KANSL1L: variants seen among roughly 807,000 people sequenced by gnomAD.
The protein encoded by KANSL1L is KAT8 regulatory NSL complex subunit 1 like.
Under a neutral mutation model 108.6 loss-of-function variants are expected in KANSL1L, and 25 were observed. The observed-to-expected ratio is 0.23, with a 90% CI of 0.17 to 0.32. KANSL1L has a LOEUF of 0.32. KANSL1L is among the 10% of genes least tolerant of loss of function. The pLI, the probability that KANSL1L is intolerant of heterozygous loss-of-function variation, is 1.00. For synonymous variants in KANSL1L, 405 were observed against 395.1 expected (o/e 1.03, Z -0.30); for missense variants, 1,137 against 1,125.7 (o/e 1.01, Z -0.14).
intron 4 of KANSL1L, 48 bp from the exon 5 acceptor site, chr2:210,098,255 A>C (rs756677112): frequency 1.3e-6 from 2 of 1,589,034 alleles, no homozygotes; most frequent in Non-Finnish European, 1.7e-6. Flanking sequence ...AAGAAATGTG[A>C]GTTAAAGCTC....
intron 6 of KANSL1L, among the ~76,000 whole-genome samples, chr2:210,057,754 C>A (rs1487001351): frequency 6.6e-6 from 1 of 152,178 alleles, no homozygotes; most frequent in Non-Finnish European, 1.5e-5. Context: ...ATTTCTTACG[C>A]CTGTCTTTAC....
chr2:210,148,564 A>G (rs965840895), intron 2 of KANSL1L, among the ~76,000 whole-genome samples: 2 of 152,192 alleles, frequency 1.3e-5, no homozygotes, highest in African/African-American at 4.8e-5. Flanking sequence ...AAGTCCCTCT[A>G]TTATGCTTTC....
intron 3 of KANSL1L, among the ~76,000 whole-genome samples, chr2:210,107,182 G>A (rs1194753392): frequency 6.6e-6 from 1 of 151,992 alleles, no homozygotes; most frequent in African/African-American, 2.4e-5. Context: ...AACTGCCTCA[G>A]CAACATCTCT....
At chr2:210,076,921 A>G (rs967723934) in intron 5 of KANSL1L, among the ~76,000 whole-genome samples, 2 of 152,132 alleles carry the variant, frequency 1.3e-5, no homozygotes, top group Admixed American at 6.5e-5. Context: ...ACTGCTGTTC[A>G]ATATATAAGT....
At chr2:210,040,247 T>C in intron 8 of KANSL1L, 173 bp downstream of exon 8, 1 of 524,298 alleles carries the variant, frequency 1.9e-6, no homozygotes, top group Non-Finnish European at 3.4e-6. Flanking sequence ...GCACATTTCA[T>C]GTTAAGATTG....
chr2:210,097,597 T>C (rs2094749552), intron 5 of KANSL1L, among the ~76,000 whole-genome samples: 1 of 152,146 alleles, frequency 6.6e-6, no homozygotes, highest in Admixed American at 6.5e-5. Flanking sequence ...TTAATGTTTA[T>C]AGGAGTTATT....
At chr2:210,150,297 C>CT (rs2095293347) in intron 2 of KANSL1L, among the ~76,000 whole-genome samples, 1 of 151,966 alleles carries the variant, frequency 6.6e-6, no homozygotes, top group Admixed American at 6.6e-5. Flanking sequence ...AATAAACTGG[C>CT]AGAGTTGGTG....
intron 5 of KANSL1L, chr2:210,080,410 T>C (rs971651054): frequency 4.6e-5 from 7 of 152,168 alleles, no homozygotes; most frequent in African/African-American, 1.2e-4. Context: ...CAGAGAAGCA[T>C]TAAAATGTGA....
At chr2:210,030,534 A>AGTGTGTGT (rs200978066) in intron 9 of KANSL1L, among the ~76,000 whole-genome samples, 1 of 128,664 alleles carries the variant, frequency 7.8e-6, no homozygotes, top group Non-Finnish European at 1.6e-5. Flanking sequence ...GTTCCCAGTT[A>AGTGTGTGT]CTGTGTGTGT....
chr2:210,156,987 CA>C (rs72148831), intron 1 of KANSL1L, among the ~76,000 whole-genome samples: 93 of 140,196 alleles, frequency 6.6e-4, no homozygotes, highest in African/African-American at 1.5e-3. Flanking sequence ...ATCCTAAATG[CA>C]AAAAAAAAAA....
At chr2:210,049,947 T>C (rs2094271391) in intron 6 of KANSL1L, among the ~76,000 whole-genome samples, 1 of 152,244 alleles carries the variant, frequency 6.6e-6, no homozygotes, top group African/African-American at 2.4e-5. Flanking sequence ...GGTGATCCTC[T>C]AAATCTACCA....
intron 3 of KANSL1L, among the ~76,000 whole-genome samples, chr2:210,119,638 T>A (rs557811887): frequency 1.3e-5 from 2 of 152,104 alleles, no homozygotes; most frequent in Non-Finnish European, 2.9e-5. Flanking sequence ...AAATTCAACA[T>A]CCTTCATGAT....
At chr2:210,130,786 T>C (rs901879577) in intron 2 of KANSL1L, among the ~76,000 whole-genome samples, 3 of 150,586 alleles carry the variant, frequency 2.0e-5, no homozygotes, top group African/African-American at 7.3e-5. Flanking sequence ...TTTACACAGG[T>C]GAGGATAAAA....
In KANSL1L at chr2:210,044,408, CTG is replaced by C. The variant is rs201985496; in HGVS notation, c.1756-306_1756-305del. Among the ~76,000 whole-genome samples, 2,850 of 151,772 alleles carry C rather than the reference CTG, an allele frequency of 0.019. 92 individuals are homozygous for C. Among genetic ancestry groups the C allele is most frequent in the African/African-American group, 0.065 (2,693 of 41,418 alleles). Reference sequence around the variant, plus strand: ...TAAACATACTAGCTGGGAATGATAACTGTAATTTTTTTCCTTCAATCCTACTA... The same window carrying C: ...TAAACATACTAGCTGGGAATGATAACTAATTTTTTTCCTTCAATCCTACTA... On this transcript the variant is annotated intron_variant, in intron 6 of 14. Transcript: ENST00000281772. The surrounding 1 kb of genome is among the most constrained non-coding windows in gnomAD (Gnocchi z 4.2).
rs1216607146 is a variant in KANSL1L, at chr2:210,129,061, T to C, written c.1200A>G (p.Thr400=). The C allele has an allele frequency of 1.9e-6, 3 of 1,613,818 alleles. No individual in the cohort carries two copies. In the African/African-American group the frequency reaches 4.0e-5, roughly 22 times the overall value. ...SDLECKIQQL[T]DIHRQIRASK... is the part of the protein sequence containing the mutation. ...AGGCACGAATTTGCCTGTGAATGTC[T>C]GTTAGTTGTTGGATTTTGCATTCTA... Residue 400 remains threonine (T), a synonymous_variant, in exon 3 of 15, where the codon ACA becomes ACG. Coordinates refer to ENST00000281772, the MANE Select transcript of KANSL1L (RefSeq NM_152519.4).
Position 210,054,978 on chromosome 2 carries a change from C to A in KANSL1L, c.1756-10874G>T, listed in dbSNP as rs186583008. On this transcript the variant is annotated intron_variant, in intron 6 of 14. Transcript: ENST00000281772. ...TACAAAATCAGTAGTACATAAAAAT[C>A]AGTTGTGTTTCTATGTATCAGTGAT... Among the ~76,000 whole-genome samples, 580 of 152,170 alleles carry A rather than the reference C, an allele frequency of 3.8e-3. 3 individuals carry two copies. The highest frequency in any genetic ancestry group is 0.013 in the African/African-American group (554 of 41,520).
chr2:210,044,159 A>ATCTC lies in KANSL1L; in HGVS notation c.1756-59_1756-56dup. 1 of 1,188,864 alleles carries ATCTC rather than the reference A, an allele frequency of 8.4e-7. No homozygotes were observed. The highest frequency in any genetic ancestry group is 2.2e-5 in the South Asian group (1 of 45,262). 73.6% of individuals were successfully genotyped at this position (1,188,864 alleles called of 1,614,324 possible). A position where few individuals can be genotyped will look rare whatever the true frequency, so the allele number is the denominator to read the frequency against. ...CAGCCAAAGCATCCATAAATGGCAT[A>ATCTC]TCTCTACATTTATTTAGGTTATCTT... On this transcript the variant is annotated intron_variant, in intron 6 of 14. Transcript: ENST00000281772. The surrounding 1 kb of genome is among the most constrained non-coding windows in gnomAD (Gnocchi z 4.2).
intron 2 of KANSL1L, among the ~76,000 whole-genome samples, chr2:210,144,579 A>G (rs761125768): frequency 1.3e-5 from 2 of 152,142 alleles, no homozygotes; most frequent in Non-Finnish European, 2.9e-5. Context: ...TGTTTGATCA[A>G]TTCTGCTCTG....
intron 2 of KANSL1L, among the ~76,000 whole-genome samples, chr2:210,133,285 A>G (rs1464251181): frequency 1.3e-5 from 2 of 152,108 alleles, no homozygotes; most frequent in East Asian, 3.9e-4. Context: ...CTTATAATAC[A>G]TAATACAAAG....
Sources: allele counts gnomAD v4.1 joint callset (sites outside exome capture counted in the v4.1 genomes callset), GRCh38; gene constraint gnomAD v4.1.1; non-coding constraint Gnocchi (gnomAD v3.1); transcripts MANE v1.5; gene names NCBI Gene and HGNC (gene_info 2026-07-23, HGNC 2026-07-21).